FUT9: variants seen among roughly 807,000 people sequenced by gnomAD.
The protein encoded by FUT9 is fucosyltransferase 9.
Under a neutral mutation model 29.7 loss-of-function variants are expected in FUT9, and 15 were observed. The observed-to-expected ratio is 0.51, with a 90% CI of 0.34 to 0.78. The LOEUF (loss-of-function observed/expected upper bound fraction) is 0.78, where lower values mean the gene tolerates loss of function less well. FUT9 is among the 30% of genes least tolerant of loss of function. FUT9 has a pLI of 0.01. For missense variants in FUT9, 319 were observed against 425.4 expected (o/e 0.75, Z 2.20); for synonymous variants, 169 against 153.7 (o/e 1.10, Z -0.74).
chr6:96,077,498 A>G (rs1771158629), intron 1 of FUT9, among the ~76,000 whole-genome samples: 1 of 152,114 alleles, frequency 6.6e-6, no homozygotes, highest in African/African-American at 2.4e-5. Context: ...TAAAAACTCA[A>G]AATTATCTGG....
chr6:96,109,140 C>T (rs1013481972), intron 1 of FUT9, among the ~76,000 whole-genome samples: 15 of 152,278 alleles, frequency 9.9e-5, no homozygotes, highest in Middle Eastern at 3.4e-3. Context: ...TAGTACTTGT[C>T]ATTATTTTTC....
chr6:96,057,894 T>C (rs921419639), intron 1 of FUT9, among the ~76,000 whole-genome samples: 3 of 152,196 alleles, frequency 2.0e-5, no homozygotes, highest in Admixed American at 1.3e-4. Flanking sequence ...TTGTCCTTTT[T>C]GTCTCTTAGA....
chr6:96,062,929 G>A (rs1770901932), intron 1 of FUT9, among the ~76,000 whole-genome samples: 1 of 152,152 alleles, frequency 6.6e-6, no homozygotes, highest in Non-Finnish European at 1.5e-5. Flanking sequence ...AGTTAAAGTA[G>A]CTGGCCTATA....
chr6:96,077,720 A>C (rs555613934), intron 1 of FUT9, among the ~76,000 whole-genome samples: 192 of 152,304 alleles, frequency 1.3e-3, no homozygotes, highest in South Asian at 5.2e-3. Flanking sequence ...TCCTACAATA[A>C]CGTCTGAAAG....
At chr6:96,135,791 T>C (rs531523251) in intron 2 of FUT9, among the ~76,000 whole-genome samples, 1 of 151,952 alleles carries the variant, frequency 6.6e-6, no homozygotes, top group East Asian at 1.9e-4. Flanking sequence ...TTGATAAAGG[T>C]TAGATCTTAT....
At chr6:96,060,023 A>G (rs1388167275) in intron 1 of FUT9, among the ~76,000 whole-genome samples, 1 of 152,212 alleles carries the variant, frequency 6.6e-6, no homozygotes, top group Non-Finnish European at 1.5e-5. Context: ...ATAAAAACAC[A>G]TTGTGTCTAT....
At chr6:96,066,559 C>T (rs567868211) in intron 1 of FUT9, among the ~76,000 whole-genome samples, 10 of 152,122 alleles carry the variant, frequency 6.6e-5, no homozygotes, top group East Asian at 3.9e-4. Context: ...AAAGAGGCCA[C>T]TGTTCTCCTA....
At chr6:96,097,099 A>G (rs1293566146) in intron 1 of FUT9, among the ~76,000 whole-genome samples, 1 of 152,206 alleles carries the variant, frequency 6.6e-6, no homozygotes, top group Middle Eastern at 3.2e-3. Flanking sequence ...AAAGCACAGA[A>G]TTAGAAGACA....
intron 2 of FUT9, among the ~76,000 whole-genome samples, chr6:96,195,963 A>G (rs1300625165): frequency 6.6e-6 from 1 of 152,192 alleles, no homozygotes; most frequent in Non-Finnish European, 1.5e-5. Flanking sequence ...TATATAAAAT[A>G]AAGAGATTTC....
chr6:96,068,356 G>A (rs1020538704), intron 1 of FUT9, among the ~76,000 whole-genome samples: 11 of 152,286 alleles, frequency 7.2e-5, no homozygotes, highest in African/African-American at 2.6e-4. Flanking sequence ...GTAGTAGTCT[G>A]AAGATCAGAG....
At chr6:96,141,426 G>C (rs368747439) in intron 2 of FUT9, among the ~76,000 whole-genome samples, 2 of 152,128 alleles carry the variant, frequency 1.3e-5, no homozygotes, top group East Asian at 3.9e-4. Context: ...GGTTTGGTAA[G>C]TCCTGTAAAA....
chr6:96,064,339 A>G (rs911751945), intron 1 of FUT9, among the ~76,000 whole-genome samples: 4 of 152,152 alleles, frequency 2.6e-5, no homozygotes, highest in African/African-American at 7.2e-5. Flanking sequence ...TGAGGGGCAT[A>G]GAGAGTATAG....
intron 2 of FUT9, among the ~76,000 whole-genome samples, chr6:96,176,215 C>G (rs567367071): frequency 3.5e-4 from 54 of 152,274 alleles, no homozygotes; most frequent in Admixed American, 2.7e-3. Flanking sequence ...GTTCTCCAGC[C>G]TGTGGACCTC....
chr6:96,140,718 T>C (rs1250222411), intron 2 of FUT9, among the ~76,000 whole-genome samples: 5 of 152,128 alleles, frequency 3.3e-5, no homozygotes, highest in Admixed American at 3.3e-4. Context: ...ATGAGACTTA[T>C]TTGCTGTCAC....
intron 2 of FUT9, among the ~76,000 whole-genome samples, chr6:96,135,985 A>C (rs1772341325): frequency 6.6e-6 from 1 of 150,856 alleles, no homozygotes; most frequent in African/African-American, 2.4e-5. Context: ...TGAATCAATT[A>C]CCCATTGCCA....
At chr6:96,080,407 C>T (rs1273035631) in intron 1 of FUT9, among the ~76,000 whole-genome samples, 1 of 151,698 alleles carries the variant, frequency 6.6e-6, no homozygotes, top group Admixed American at 6.6e-5. Context: ...TTTTCTATGC[C>T]TTAGGCAATT....
intron 2 of FUT9, among the ~76,000 whole-genome samples, chr6:96,176,849 C>T (rs1377294153): frequency 1.3e-5 from 2 of 152,142 alleles, no homozygotes; most frequent in Non-Finnish European, 2.9e-5. Flanking sequence ...TCCTTTGGCG[C>T]TATGACTTTT....
rs1044673347 is a variant in FUT9 at position 96,213,304 on chromosome 6, A to G, written c.*9069A>G. The stretch of plus-strand genomic sequence containing the variant: ...TGCACATATAGACACACATATGCCA[A>G]TATCTTTTTTATGTAGTTCAAGTAT... On this transcript the variant is annotated 3_prime_UTR_variant, in exon 3 of 3. Coordinates refer to ENST00000302103, the MANE Select transcript of FUT9 (RefSeq NM_006581.4). The G allele has an allele frequency of 6.0e-6, 1 of 166,854 alleles. No homozygotes were observed. Among genetic ancestry groups the G allele is most frequent in the Non-Finnish European group, 1.5e-5 (1 of 68,030 alleles). The allele number at this position is 166,854 out of a possible 1,614,324, so 10.3% of individuals were successfully genotyped here.
intron 2 of FUT9, among the ~76,000 whole-genome samples, chr6:96,126,780 G>A (rs760978481): frequency 2.6e-5 from 4 of 152,160 alleles, no homozygotes; most frequent in Admixed American, 6.5e-5. Context: ...TGGAGGTAGA[G>A]GCAATATCAT....
Sources: allele counts gnomAD v4.1 joint callset (sites outside exome capture counted in the v4.1 genomes callset), GRCh38; gene constraint gnomAD v4.1.1; transcripts MANE v1.5; gene names NCBI Gene and HGNC (gene_info 2026-07-23, HGNC 2026-07-21).